The following FBXL17 variants were observed in gnomAD, a reference collection of about 807,000 sequenced individuals.
FBXL17 encodes F-box/LRR-repeat protein 17.
In FBXL17, 22 loss-of-function variants were observed where a neutral mutation model predicts 66.2. That is an observed-to-expected ratio of 0.33 (90% CI 0.24 to 0.47). The LOEUF (loss-of-function observed/expected upper bound fraction) is 0.47, where lower values mean the gene tolerates loss of function less well. FBXL17 is among the 20% of genes least tolerant of loss of function. The pLI is 1.00. For missense variants in FBXL17, 878 were observed against 948.2 expected (o/e 0.93, Z 0.97); for synonymous variants, 474 against 400.5 (o/e 1.18, Z -2.19).
intron 6 of FBXL17, among the ~76,000 whole-genome samples, chr5:108,141,726 C>T (rs1367304638): frequency 6.6e-6 from 1 of 152,194 alleles, no homozygotes; most frequent in Non-Finnish European, 1.5e-5. Flanking sequence ...AACCTGTTTG[C>T]TTCAGTCACT....
At chr5:108,298,254 T>C (rs768203026) in intron 4 of FBXL17, 171 of 984,538 alleles carry the variant, frequency 1.7e-4, no homozygotes, top group Non-Finnish European at 2.0e-4. Flanking sequence ...GTCTTCTTGC[T>C]ACTTCTTACT....
At chr5:108,049,163 T>A (rs559051872) in intron 6 of FBXL17, among the ~76,000 whole-genome samples, 38 of 152,018 alleles carry the variant, frequency 2.5e-4, no homozygotes, top group African/African-American at 9.2e-4. Context: ...TTTTTTTTTT[T>A]AGACAGAGTC....
At chr5:108,303,391 CA>C (rs1758683477) in intron 4 of FBXL17, among the ~76,000 whole-genome samples, 1 of 148,462 alleles carries the variant, frequency 6.7e-6, no homozygotes, top group Non-Finnish European at 1.5e-5. Context: ...CACACACACA[CA>C]CACATACCCA....
At chr5:108,022,087 T>C (rs1296213897) in intron 6 of FBXL17, among the ~76,000 whole-genome samples, 1 of 151,970 alleles carries the variant, frequency 6.6e-6, no homozygotes, top group Non-Finnish European at 1.5e-5. Flanking sequence ...AAATTAGTTA[T>C]AGAGAAGACA....
chr5:108,361,596 A>G (rs2112553147), intron 3 of FBXL17, among the ~76,000 whole-genome samples: 1 of 152,180 alleles, frequency 6.6e-6, no homozygotes, highest in African/African-American at 2.4e-5. Flanking sequence ...TCAAAACAAA[A>G]ACAAAAATAA....
At chr5:108,255,360 A>T (rs1417735763) in intron 4 of FBXL17, among the ~76,000 whole-genome samples, 1 of 152,156 alleles carries the variant, frequency 6.6e-6, no homozygotes, top group Non-Finnish European at 1.5e-5. Context: ...GTATTTTACA[A>T]AATCATAAAT....
At chr5:108,227,030 A>T (rs1163326657) in intron 4 of FBXL17, among the ~76,000 whole-genome samples, 5 of 152,172 alleles carry the variant, frequency 3.3e-5, no homozygotes, top group African/African-American at 1.2e-4. Flanking sequence ...ATGTAAGCCA[A>T]TTCCTTACAA....
chr5:108,055,577 A>G (rs1177603022), intron 6 of FBXL17, among the ~76,000 whole-genome samples: 1 of 141,998 alleles, frequency 7.0e-6, no homozygotes, highest in Non-Finnish European at 1.5e-5. Context: ...CCACTGCTCT[A>G]TAGCCTGGGC....
At chr5:108,055,696 T>C (rs1398418554) in intron 6 of FBXL17, among the ~76,000 whole-genome samples, 1 of 150,020 alleles carries the variant, frequency 6.7e-6, no homozygotes, top group Non-Finnish European at 1.5e-5. Flanking sequence ...GTATATGAAC[T>C]ATAATGAAAA....
At chr5:107,994,839 C>CA (rs1753408479) in intron 7 of FBXL17, among the ~76,000 whole-genome samples, 2 of 152,050 alleles carry the variant, frequency 1.3e-5, no homozygotes, top group South Asian at 2.1e-4. Context: ...GGCTCCATCT[C>CA]AAAAAACAAA....
rs545538422 is a variant in FBXL17, at chr5:108,102,918, T to C, written c.1746-81917A>G. On this transcript the variant is annotated intron_variant, in intron 6 of 8. Transcript: ENST00000542267. ...TTTTTCTGCCAATAACATTTATTAT[T>C]CTAAACACTGTAAAGCATAGTTGAC... is the stretch of plus-strand genomic sequence containing the variant. Among the ~76,000 whole-genome samples the C allele has an allele frequency of 1.1e-4, 16 of 152,306 alleles. No homozygotes were observed. In the East Asian group the frequency reaches 3.1e-3, roughly 29 times the overall value.
At chr5:108,107,537 G>A (rs2067567993) in intron 6 of FBXL17, among the ~76,000 whole-genome samples, 1 of 152,034 alleles carries the variant, frequency 6.6e-6, no homozygotes, top group Non-Finnish European at 1.5e-5. Context: ...TCTCGGCCAG[G>A]CACGGTGGCT....
Position 108,193,396 on chromosome 5 carries a change from T to A in FBXL17, c.1615-7149A>T, listed in dbSNP as rs188622674. Among the ~76,000 whole-genome samples, 655 of 151,990 alleles carry A rather than the reference T, an allele frequency of 4.3e-3. 6 individuals are homozygous for A. The highest frequency in any genetic ancestry group is 7.0e-3 in the Non-Finnish European group (473 of 67,968). Reference sequence around the variant, plus strand: ...AAGGGAAAGGGGTGGTAGCAATAGATCTTGAAGTATAAAAGTAGAAAAAAA... The same window carrying A: ...AAGGGAAAGGGGTGGTAGCAATAGAACTTGAAGTATAAAAGTAGAAAAAAA... On this transcript the variant is annotated intron_variant, in intron 5 of 8. Transcript: ENST00000542267.
intron 4 of FBXL17, chr5:108,299,170 T>G: frequency 1.0e-6 from 1 of 983,416 alleles, no homozygotes; most frequent in Non-Finnish European, 1.2e-6. Context: ...AAGTTTGTTT[T>G]TCTTTTAAAC....
At chr5:107,956,571 T>G (rs926380927) in intron 7 of FBXL17, among the ~76,000 whole-genome samples, 1 of 152,240 alleles carries the variant, frequency 6.6e-6, no homozygotes, top group African/African-American at 2.4e-5. Flanking sequence ...AGTATTTTAA[T>G]ATCTCATAGA....
intron 4 of FBXL17, among the ~76,000 whole-genome samples, chr5:108,312,696 A>T (rs1174485191): frequency 6.6e-6 from 1 of 152,162 alleles, no homozygotes; most frequent in Non-Finnish European, 1.5e-5. Flanking sequence ...TAAATTTTTC[A>T]TTACTTTAAG....
intron 4 of FBXL17, among the ~76,000 whole-genome samples, chr5:108,315,411 T>C (rs1010973630): frequency 4.0e-5 from 6 of 151,420 alleles, no homozygotes; most frequent in Non-Finnish European, 7.4e-5. Context: ...CGGATAAATT[T>C]AGTGAAAGTG....
chr5:107,916,721 G>C (rs1213551899), intron 7 of FBXL17, among the ~76,000 whole-genome samples: 1 of 152,032 alleles, frequency 6.6e-6, no homozygotes, highest in African/African-American at 2.4e-5. Context: ...TGGCTCCTGG[G>C]CATAAAATAT....
chr5:108,224,843 G>A (rs950623688), intron 4 of FBXL17, among the ~76,000 whole-genome samples: 1 of 151,996 alleles, frequency 6.6e-6, no homozygotes, highest in Non-Finnish European at 1.5e-5. Context: ...GGCCAGGTTG[G>A]TCTCAAACTC....
Sources: allele counts gnomAD v4.1 joint callset (sites outside exome capture counted in the v4.1 genomes callset), GRCh38; gene constraint gnomAD v4.1.1; transcripts MANE v1.5; gene names NCBI Gene and HGNC (gene_info 2026-07-23, HGNC 2026-07-21).